The following NEK10 variants were observed in gnomAD, a reference collection of about 807,000 sequenced individuals.
NEK10 encodes NIMA related kinase 10.
A neutral mutation model predicts 159.8 loss-of-function variants in NEK10; 122 were observed. That is an observed-to-expected ratio of 0.76 (90% CI 0.66 to 0.89). The LOEUF is 0.89. NEK10 is among the 40% of genes least tolerant of loss of function. The pLI, the probability that NEK10 is intolerant of heterozygous loss-of-function variation, is 0.00. For synonymous variants in NEK10, 466 were observed against 457.1 expected (o/e 1.02, Z -0.25); for missense variants, 1,342 against 1,323.1 (o/e 1.01, Z -0.22).
intron 20 of NEK10, among the ~76,000 whole-genome samples, chr3:27,286,689 C>T (rs982079719): frequency 6.6e-6 from 1 of 151,930 alleles, no homozygotes; most frequent in African/African-American, 2.4e-5. Flanking sequence ...CGTGCCCGGC[C>T]GCCATTTCCA....
intron 23 of NEK10, among the ~76,000 whole-genome samples, chr3:27,255,726 C>T (rs1956104294): frequency 6.6e-6 from 1 of 152,084 alleles, no homozygotes; most frequent in African/African-American, 2.4e-5. Context: ...CTCGATTTAT[C>T]AAAATATAAA....
At position 27,133,699 on chromosome 3, in the gene NEK10, C is replaced by CG. The variant is rs1166685238; in HGVS notation, c.2971-1710dup. ...TGAGGCAGGACAGTTGCTTGAACCCCGGAGGTGGAGGTTGTGGTGAGCTGA... is the reference window on the plus strand; with the variant it reads ...TGAGGCAGGACAGTTGCTTGAACCCCGGGAGGTGGAGGTTGTGGTGAGCTGA... On this transcript the variant is annotated intron_variant, in intron 31 of 35. Transcript: ENST00000691995. 3.9e-5 allele frequency among the ~76,000 whole-genome samples: 6 copies of CG among 152,202 alleles called. No individual in the cohort carries two copies. The East Asian group carries it at 1.2e-3, about 29-fold the overall frequency.
At chr3:27,183,754 T>A (rs1057510424) in intron 26 of NEK10, among the ~76,000 whole-genome samples, 1 of 152,020 alleles carries the variant, frequency 6.6e-6, no homozygotes, top group African/African-American at 2.4e-5. Flanking sequence ...AGTAATCCAA[T>A]AAAATCACAG....
chr3:27,284,651 A>G lies in NEK10; in HGVS notation c.1965T>C (p.Asp655=), dbSNP rs771755346. Residue 655 remains aspartate (D), a synonymous_variant, in exon 22 of 36, where the codon GAT becomes GAC. Transcript: ENST00000691995. ...LHKEKRIVHR[D]LTPNNIMLGD... Reference sequence around the variant, plus strand: ...CCAACATAATGTTGTTTGGTGTCAGATCTCTATGGACAATCCTCTTCTCCT... The same window carrying G: ...CCAACATAATGTTGTTTGGTGTCAGGTCTCTATGGACAATCCTCTTCTCCT... 13 of 1,609,998 alleles carry G rather than the reference A, an allele frequency of 8.1e-6. No homozygotes were observed. The East Asian group carries it at 2.9e-4, about 36-fold the overall frequency.
chr3:27,317,220 T>C (rs1246626174), intron 6 of NEK10, among the ~76,000 whole-genome samples: 2 of 152,232 alleles, frequency 1.3e-5, no homozygotes, highest in Admixed American at 6.5e-5. Flanking sequence ...CCTTTCCTTA[T>C]ACCAACAGGA....
intron 24 of NEK10, among the ~76,000 whole-genome samples, 154 bp from the exon 25 acceptor site, chr3:27,201,734 A>G (rs17019508): frequency 0.076 from 11,625 of 152,314 alleles, 533 homozygotes; most frequent in African/African-American, 0.13. Flanking sequence ...AAACATTTGC[A>G]TCAATTAAAC....
At chr3:27,344,229 T>G (rs371493948) in intron 5 of NEK10, 43 bp downstream of exon 5, 7 of 886,080 alleles carry the variant, frequency 7.9e-6, no homozygotes, top group Middle Eastern at 2.1e-4. Context: ...AGATGACATA[T>G]GCCACTCTTC....
intron 8 of NEK10, chr3:27,311,781 G>GAA: frequency 3.4e-6 from 1 of 291,758 alleles, no homozygotes; most frequent in Non-Finnish European, 6.4e-6. Flanking sequence ...CAACTTTATA[G>GAA]AAAAAAAACT....
chr3:27,192,511 C>T (rs917828830), intron 25 of NEK10, among the ~76,000 whole-genome samples: 1 of 150,054 alleles, frequency 6.7e-6, no homozygotes, highest in African/African-American at 2.5e-5. Context: ...AGATGCTCTT[C>T]GGGTCTCAGG....
chr3:27,257,277 A>G (rs11710360), intron 22 of NEK10, among the ~76,000 whole-genome samples: 71,907 of 152,016 alleles, frequency 0.47, 20,164 homozygotes, highest in African/African-American at 0.79. Context: ...TTTCCTATCC[A>G]TTTGCTACAG....
intron 13 of NEK10, among the ~76,000 whole-genome samples, chr3:27,301,168 G>A (rs561709205): frequency 5.3e-5 from 8 of 152,324 alleles, no homozygotes; most frequent in African/African-American, 1.9e-4. Context: ...CTGCATGACT[G>A]CTCAAGGTGG....
intron 5 of NEK10, among the ~76,000 whole-genome samples, chr3:27,330,678 A>G (rs1403630875): frequency 1.3e-5 from 2 of 152,198 alleles, no homozygotes; most frequent in Non-Finnish European, 1.5e-5. Context: ...CACCTAACAA[A>G]ACCAGTGTCA....
At chr3:27,215,915 C>G (rs1246017407) in intron 23 of NEK10, 3 of 681,108 alleles carry the variant, frequency 4.4e-6, no homozygotes, top group South Asian at 3.3e-5. Flanking sequence ...AACTCACCAT[C>G]ATGAGAACAG....
intron 7 of NEK10, among the ~76,000 whole-genome samples, chr3:27,313,368 C>T (rs9847667): frequency 6.6e-6 from 1 of 152,184 alleles, no homozygotes; most frequent in African/African-American, 2.4e-5. Context: ...CTTACCCTCG[C>T]TCAGTAGTTA....
intron 7 of NEK10, among the ~76,000 whole-genome samples, chr3:27,313,274 A>G (rs1437213506): frequency 6.6e-6 from 1 of 151,972 alleles, no homozygotes; most frequent in Non-Finnish European, 1.5e-5. Flanking sequence ...CAAAAAAAAA[A>G]AAGAAAAAGA....
At chr3:27,197,251 T>C (rs892397774) in intron 25 of NEK10, among the ~76,000 whole-genome samples, 1 of 152,076 alleles carries the variant, frequency 6.6e-6, no homozygotes, top group Non-Finnish European at 1.5e-5. Flanking sequence ...TCTCAGCTCA[T>C]TGCAACCTCC....
At chr3:27,205,236 T>C (rs1950436631) in intron 23 of NEK10, among the ~76,000 whole-genome samples, 1 of 149,720 alleles carries the variant, frequency 6.7e-6, no homozygotes, top group South Asian at 2.2e-4. Context: ...AAACATTCCA[T>C]GCTCATGGGT....
chr3:27,280,937 G>GTGTA (rs147002099), intron 22 of NEK10, among the ~76,000 whole-genome samples: 82 of 149,598 alleles, frequency 5.5e-4, no homozygotes, highest in East Asian at 2.2e-3. Flanking sequence ...GTGTGTGTGT[G>GTGTA]TATATGTATA....
At chr3:27,113,028 T>C (rs1939798884) in intron 35 of NEK10, among the ~76,000 whole-genome samples, 1 of 152,208 alleles carries the variant, frequency 6.6e-6, no homozygotes, top group Non-Finnish European at 1.5e-5. Flanking sequence ...TCTTGGAAAT[T>C]ATTTTGGAAT....
Sources: gnomAD v4.1 joint callset for allele counts (sites outside exome capture counted in the v4.1 genomes callset) on GRCh38, gnomAD v4.1.1 for gene constraint, MANE v1.5 for transcripts, NCBI Gene and HGNC (gene_info 2026-07-23, HGNC 2026-07-21) for gene names.